LAMA3: variants seen among roughly 807,000 people sequenced by gnomAD.
The protein encoded by LAMA3 is laminin subunit alpha-3.
A neutral mutation model predicts 402.0 loss-of-function variants in LAMA3; 281 were observed. The observed-to-expected ratio is 0.70, with a 90% CI of 0.63 to 0.77. LAMA3 has a LOEUF of 0.77. Ranked by LOEUF, LAMA3 falls within the 30% of genes least tolerant of loss-of-function variation. LAMA3 has a pLI of 0.00. For missense variants in LAMA3, 3,840 were observed against 4,215.5 expected (o/e 0.91, Z 2.47); for synonymous variants, 1,431 against 1,558.4 (o/e 0.92, Z 1.93).
At chr18:23,824,393 G>A (rs761977180) in intron 20 of LAMA3, 30 bp from the exon 21 acceptor site, 3 of 1,612,728 alleles carry the variant, frequency 1.9e-6, no homozygotes, top group Admixed American at 1.7e-5. Context: ...ATAGAAAAAT[G>A]CCTTAAGCAG....
At chr18:23,922,381 C>A (rs960194513) in intron 62 of LAMA3, among the ~76,000 whole-genome samples, 15 of 152,302 alleles carry the variant, frequency 9.8e-5, no homozygotes, top group African/African-American at 3.4e-4. Flanking sequence ...TTGGAAGGAA[C>A]TAGAATATGA....
intron 35 of LAMA3, 47 bp downstream of exon 35, chr18:23,861,854 A>G (rs372938702): frequency 1.4e-5 from 21 of 1,554,318 alleles, no homozygotes; most frequent in Non-Finnish European, 1.7e-5. Context: ...GGCCTCTGCT[A>G]TTGCTGCATG....
intron 7 of LAMA3, among the ~76,000 whole-genome samples, chr18:23,759,575 G>A: frequency 6.6e-6 from 1 of 152,036 alleles, no homozygotes; most frequent in East Asian, 1.9e-4. Flanking sequence ...TTGCTTGTTT[G>A]TTTGTATTTT....
intron 1 of LAMA3, among the ~76,000 whole-genome samples, chr18:23,690,686 C>T (rs2060567598): frequency 1.3e-5 from 2 of 151,852 alleles, no homozygotes; most frequent in East Asian, 1.9e-4. Flanking sequence ...TCACGGCTCA[C>T]GGCAGCCTCG....
rs2063394065 is a variant in LAMA3 at position 23,826,923 on chromosome 18, G to C, written c.2669+124G>C. The C allele has an allele frequency of 1.2e-5, 8 of 690,282 alleles. No individual in the cohort carries two copies. The Middle Eastern group carries it at 1.1e-3, about 94-fold the overall frequency. The allele number at this position is 690,282 out of a possible 1,614,324, so 42.8% of individuals were successfully genotyped here. ...AGCATGATGCTCTGGATAATTAGTT[G>C]TTATCTTCCTCTATGTCTTACTTGT... On this transcript the variant is annotated intron_variant, in intron 22 of 74. Coordinates refer to ENST00000313654, the MANE Select transcript of LAMA3 (RefSeq NM_198129.4).
In LAMA3 at chr18:23,842,757, T is replaced by C. The variant is rs1390580093; in HGVS notation, c.3603+7T>C. The C allele has an allele frequency of 1.2e-6, 2 of 1,614,120 alleles. No individual in the cohort carries two copies. Among genetic ancestry groups the C allele is most frequent in the African/African-American group, 1.3e-5 (1 of 75,044 alleles). On this transcript the variant is annotated splice_region_variant and intron_variant, in intron 29 of 74. Transcript: ENST00000313654. ...AGGAAAGTCCTTGGTTTTGGTGCGT[T>C]CCACTCGTTCCTCAACTTGCTCCTC...
chr18:23,876,235 C>A, intron 38 of LAMA3, 59 bp from the exon 39 acceptor site: 1 of 1,135,180 alleles, frequency 8.8e-7, no homozygotes, highest in Non-Finnish European at 1.3e-6. Flanking sequence ...GTGTCACATG[C>A]TTTGGATAGT....
chr18:23,875,084 C>T (rs1473959725), intron 38 of LAMA3, among the ~76,000 whole-genome samples: 1 of 152,106 alleles, frequency 6.6e-6, no homozygotes. Flanking sequence ...AGGCTGATCT[C>T]GAACTCCTGG....
intron 62 of LAMA3, among the ~76,000 whole-genome samples, chr18:23,926,066 CAG>C (rs1168608945): frequency 1.3e-5 from 2 of 152,146 alleles, no homozygotes; most frequent in Non-Finnish European, 2.9e-5. Flanking sequence ...TTGGAAGATT[CAG>C]AGTGTGTAAA....
intron 42 of LAMA3, among the ~76,000 whole-genome samples, chr18:23,890,838 T>G (rs1392264002): frequency 6.6e-6 from 1 of 152,206 alleles, no homozygotes; most frequent in Non-Finnish European, 1.5e-5. Flanking sequence ...TTAATGCCAG[T>G]CTAGAATGGG....
At chr18:23,714,285 C>T (rs541674782) in intron 2 of LAMA3, among the ~76,000 whole-genome samples, 2 of 152,204 alleles carry the variant, frequency 1.3e-5, no homozygotes, top group Non-Finnish European at 2.9e-5. Context: ...TTTGGGACGC[C>T]GAGGTGGGTG....
At position 23,806,902 on chromosome 18, in the gene LAMA3, C is replaced by T. The variant is rs79734243; in HGVS notation, c.1604-3464C>T. Among the ~76,000 whole-genome samples, 1,074 of 152,282 alleles carry T rather than the reference C, an allele frequency of 7.1e-3. 19 individuals carry two copies. Among genetic ancestry groups the T allele is most frequent in the African/African-American group, 0.025 (1,030 of 41,544 alleles). Reference sequence around the variant, plus strand: ...CAACTCCTTTTCTTTCCCACTTTGTCCAGCCCAATTAGGAGCAACCAGCCA... The same window carrying T: ...CAACTCCTTTTCTTTCCCACTTTGTTCAGCCCAATTAGGAGCAACCAGCCA... On this transcript the variant is annotated intron_variant, in intron 12 of 74. Coordinates refer to ENST00000313654, the MANE Select transcript of LAMA3 (RefSeq NM_198129.4).
In LAMA3 at chr18:23,860,693, A is replaced by ATTT. The variant is rs11395191; in HGVS notation, c.4423-937_4423-935dup. Among the ~76,000 whole-genome samples, 249 of 136,702 alleles carry ATTT rather than the reference A, an allele frequency of 1.8e-3. 2 individuals carry two copies. The highest frequency in any genetic ancestry group is 0.012 in the Middle Eastern group (3 of 260). The allele number at this position is 136,702 out of a possible 152,430, so 89.7% of individuals were successfully genotyped here. ...ATATCCAACAAGTACTCAAAAAAAG[A>ATTT]TTTTTTTTTTTTTTTTTTAAGATGG... On this transcript the variant is annotated intron_variant, in intron 34 of 74. Transcript: ENST00000313654.
At chr18:23,744,180 AGAG>A (rs200085853) in intron 2 of LAMA3, among the ~76,000 whole-genome samples, 521 of 152,358 alleles carry the variant, frequency 3.4e-3, no homozygotes, top group Non-Finnish European at 5.8e-3. Context: ...TGCAAGTGTC[AGAG>A]GAGATTTGCT....
intron 41 of LAMA3, among the ~76,000 whole-genome samples, chr18:23,887,951 A>C (rs1851361081): frequency 6.6e-6 from 1 of 152,280 alleles, no homozygotes; most frequent in Non-Finnish European, 1.5e-5. Flanking sequence ...TCTTATAACC[A>C]GTAAGTAATG....
intron 2 of LAMA3, among the ~76,000 whole-genome samples, chr18:23,725,292 GT>G (rs1311995905): frequency 6.6e-6 from 1 of 152,088 alleles, no homozygotes; most frequent in Non-Finnish European, 1.5e-5. Flanking sequence ...TGTATTTTTA[GT>G]AGAGACGGGG....
At chr18:23,782,757 G>A (rs1169137297) in intron 11 of LAMA3, among the ~76,000 whole-genome samples, 1 of 149,580 alleles carries the variant, frequency 6.7e-6, no homozygotes, top group African/African-American at 2.5e-5. Flanking sequence ...TTCCCTGGCT[G>A]TGTGAACTTG....
chr18:23,802,774 C>T (rs1008168787), intron 12 of LAMA3, among the ~76,000 whole-genome samples: 2 of 152,196 alleles, frequency 1.3e-5, no homozygotes, highest in Non-Finnish European at 2.9e-5. Context: ...ATTTCTACCT[C>T]TTGATTCCTG....
At chr18:23,780,118 G>T (rs1167512803) in intron 11 of LAMA3, among the ~76,000 whole-genome samples, 2 of 152,178 alleles carry the variant, frequency 1.3e-5, no homozygotes, top group Non-Finnish European at 2.9e-5. Flanking sequence ...GAGGAGAATT[G>T]CAGTCTTGAA....
Sources: gnomAD v4.1 joint callset for allele counts (sites outside exome capture counted in the v4.1 genomes callset) on GRCh38, gnomAD v4.1.1 for gene constraint, MANE v1.5 for transcripts, NCBI Gene and HGNC (gene_info 2026-07-23, HGNC 2026-07-21) for gene names.